The following BCL2L1 variants were observed in gnomAD, a reference collection of about 807,000 sequenced individuals.
BCL2L1 encodes the protein BCL2 like 1.
In BCL2L1, 1 loss-of-function variant was observed where a neutral mutation model predicts 18.7. The ratio of observed to expected loss-of-function variants is 0.05; its 90% confidence interval spans 0.02 to 0.25. The LOEUF (loss-of-function observed/expected upper bound fraction) is 0.25, where lower values mean the gene tolerates loss of function less well. BCL2L1 is among the 10% of genes least tolerant of loss of function. The pLI is 1.00. For synonymous variants in BCL2L1, 103 were observed against 122.7 expected, an observed-to-expected ratio of 0.84 and a Z score of 1.06; for missense variants, 207 against 304.9, an observed-to-expected ratio of 0.68 and a Z score of 2.39.
At position 31,681,380 on chromosome 20, in the gene BCL2L1, G is replaced by A. The variant is rs6579263; in HGVS notation, c.565-15294C>T. 8.0e-3 allele frequency among the ~76,000 whole-genome samples: 1,218 copies of A among 152,246 alleles called. 19 individuals carry two copies. The highest frequency in any genetic ancestry group is 0.028 in the African/African-American group (1,158 of 41,552). On this transcript the variant is annotated intron_variant, in intron 2 of 2. Coordinates refer to ENST00000307677, the MANE Select transcript of BCL2L1 (RefSeq NM_138578.3). ...AAAGTAAGGCTGGGCCAGGTGTAGC[G>A]GCTCATGTCTACAATCCCAGCACTT...
chr20:31,669,545 C>A (rs1017057040), intron 2 of BCL2L1, among the ~76,000 whole-genome samples: 1 of 151,448 alleles, frequency 6.6e-6, no homozygotes, highest in African/African-American at 2.4e-5. Context: ...CTCCGCCTCC[C>A]GGGTTCAAGC....
At chr20:31,710,332 G>A (rs376745135) in intron 2 of BCL2L1, among the ~76,000 whole-genome samples, 12 of 152,220 alleles carry the variant, frequency 7.9e-5, no homozygotes, top group Non-Finnish European at 1.2e-4. Context: ...TCCATAGGAT[G>A]AGTGATACAG....
intron 2 of BCL2L1, among the ~76,000 whole-genome samples, chr20:31,673,386 C>G (rs573213653): frequency 6.6e-6 from 1 of 151,172 alleles, no homozygotes; most frequent in South Asian, 2.1e-4. Flanking sequence ...TACTTGTTAA[C>G]AGTAATAAAA....
At chr20:31,703,860 C>G (rs867426034) in intron 2 of BCL2L1, among the ~76,000 whole-genome samples, 1 of 146,922 alleles carries the variant, frequency 6.8e-6, no homozygotes, top group Non-Finnish European at 1.5e-5. Context: ...TGCAGTGGTG[C>G]GATCTTGGCT....
intron 2 of BCL2L1, among the ~76,000 whole-genome samples, chr20:31,678,669 G>C (rs1023318202): frequency 6.6e-6 from 1 of 152,228 alleles, no homozygotes; most frequent in African/African-American, 2.4e-5. Context: ...CAGGGGAAGA[G>C]AGCAATAGGC....
intron 2 of BCL2L1, among the ~76,000 whole-genome samples, chr20:31,694,235 T>C (rs1440370580): frequency 1.3e-5 from 2 of 151,294 alleles, no homozygotes; most frequent in African/African-American, 2.4e-5. Context: ...GTCAGATGGG[T>C]GGTGGGCTTC....
At chr20:31,669,665 C>T (rs941015294) in intron 2 of BCL2L1, among the ~76,000 whole-genome samples, 2 of 151,926 alleles carry the variant, frequency 1.3e-5, no homozygotes, top group Admixed American at 6.6e-5. Context: ...GTCTCAAACT[C>T]CTGACCTCAA....
intron 2 of BCL2L1, among the ~76,000 whole-genome samples, chr20:31,670,571 G>A (rs1263735559): frequency 6.6e-6 from 1 of 152,222 alleles, no homozygotes; most frequent in African/African-American, 2.4e-5. Flanking sequence ...TTCCTGGGTG[G>A]AGGGAACATT....
Position 31,702,808 on chromosome 20 carries a change from G to A in BCL2L1, c.564+18847C>T, listed in dbSNP as rs369538310. 2.1e-4 allele frequency among the ~76,000 whole-genome samples: 32 copies of A among 151,380 alleles called. 2 individuals carry two copies. Among genetic ancestry groups the A allele is most frequent in the Admixed American group, 1.1e-3 (16 of 15,216 alleles). On this transcript the variant is annotated intron_variant, in intron 2 of 2. Transcript: ENST00000307677. The stretch of plus-strand genomic sequence containing the variant: ...ATTACAGGGGTGAGCCATCGTGCCC[G>A]GCCAGTGGGCACCTTTAATCCCAGC...
chr20:31,669,354 C>T (rs1054236181), intron 2 of BCL2L1, among the ~76,000 whole-genome samples: 2 of 151,924 alleles, frequency 1.3e-5, no homozygotes, highest in African/African-American at 4.8e-5. Context: ...CCACCATGCC[C>T]GGCCTCACCA....
At chr20:31,693,843 T>C (rs987517052) in intron 2 of BCL2L1, among the ~76,000 whole-genome samples, 2 of 152,212 alleles carry the variant, frequency 1.3e-5, no homozygotes, top group African/African-American at 2.4e-5. Context: ...CAAACATATG[T>C]TTGATTATTA....
At chr20:31,688,972 T>C (rs1474214664) in intron 2 of BCL2L1, among the ~76,000 whole-genome samples, 1 of 152,058 alleles carries the variant, frequency 6.6e-6, no homozygotes, top group Non-Finnish European at 1.5e-5. Flanking sequence ...TCTCTGACCC[T>C]TTGTCTTTGG....
At chr20:31,697,218 T>G (rs1454576633) in intron 2 of BCL2L1, among the ~76,000 whole-genome samples, 2 of 152,002 alleles carry the variant, frequency 1.3e-5, no homozygotes, top group Non-Finnish European at 2.9e-5. Context: ...ACCCATGGAG[T>G]GCTCAATGGA....
At chr20:31,700,825 T>A (rs116319717) in intron 2 of BCL2L1, among the ~76,000 whole-genome samples, 3,391 of 152,320 alleles carry the variant, frequency 0.022, 115 homozygotes, top group African/African-American at 0.069. Flanking sequence ...CCAATGGCAA[T>A]ATCTCAATTA....
intron 2 of BCL2L1, among the ~76,000 whole-genome samples, chr20:31,698,306 G>A (rs2061216405): frequency 6.6e-6 from 1 of 152,104 alleles, no homozygotes; most frequent in Admixed American, 6.5e-5. Context: ...TGTGAGATGT[G>A]TTCATAGCTC....
chr20:31,679,008 G>C (rs1417755121), intron 2 of BCL2L1, among the ~76,000 whole-genome samples: 1 of 152,142 alleles, frequency 6.6e-6, no homozygotes, highest in East Asian at 1.9e-4. Context: ...ATGGAACTGG[G>C]AAACAAAACC....
In BCL2L1 at chr20:31,722,289, GGTTAGT is replaced by G; in HGVS notation, c.-77_-72del. Reference sequence around the variant, plus strand: ...TGCTCACTCACTGAGTCTCGTCTCTGGTTAGTGATTCTCTTCTAAGATCCAAAGCCA... The same window carrying G: ...TGCTCACTCACTGAGTCTCGTCTCTGGATTCTCTTCTAAGATCCAAAGCCA... On this transcript the variant is annotated 5_prime_UTR_variant, in exon 2 of 3. Transcript: ENST00000307677. 1 of 1,145,996 alleles carries G rather than the reference GGTTAGT, an allele frequency of 8.7e-7. No individual in the cohort carries two copies. The highest frequency in any genetic ancestry group is 1.2e-6 in the Non-Finnish European group (1 of 849,046). 71.0% of individuals were successfully genotyped at this position (1,145,996 alleles called of 1,614,324 possible).
At chr20:31,708,665 T>C (rs2061406901) in intron 2 of BCL2L1, among the ~76,000 whole-genome samples, 1 of 152,126 alleles carries the variant, frequency 6.6e-6, no homozygotes, top group Admixed American at 6.5e-5. Flanking sequence ...CCGCCCTGCC[T>C]TCCTTAGGCC....
intron 2 of BCL2L1, among the ~76,000 whole-genome samples, chr20:31,700,653 G>A (rs761817025): frequency 1.2e-4 from 18 of 152,066 alleles, no homozygotes; most frequent in Non-Finnish European, 2.2e-4. Context: ...TCTTTTCTCC[G>A]CTTTGTGGTA....
Sources: gnomAD v4.1 joint callset for allele counts (sites outside exome capture counted in the v4.1 genomes callset) on GRCh38, gnomAD v4.1.1 for gene constraint, MANE v1.5 for transcripts, NCBI Gene and HGNC (gene_info 2026-07-23, HGNC 2026-07-21) for gene names.